The following CSF2 variants were observed in gnomAD, a reference collection of about 807,000 sequenced individuals.
The protein encoded by CSF2 is colony stimulating factor 2, also known as granulocyte-macrophage colony-stimulating factor.
In CSF2, 2 loss-of-function variants were observed where a neutral mutation model predicts 13.5. The ratio of observed to expected loss-of-function variants is 0.15; its 90% CI spans 0.06 to 0.47. The LOEUF (loss-of-function observed/expected upper bound fraction) is 0.47, where lower values mean the gene tolerates loss of function less well. CSF2 is among the 20% of genes least tolerant of loss of function. CSF2 has a pLI of 0.97. For missense variants in CSF2, 141 were observed against 179.7 expected (o/e 0.78, Z 1.23); for synonymous variants, 66 against 69.2 (o/e 0.95, Z 0.23).
intron 3 of CSF2, 54 bp from the exon 4 acceptor site, chr5:132,075,691 C>T: frequency 7.4e-7 from 1 of 1,346,036 alleles, no homozygotes; most frequent in East Asian, 2.3e-5. Context: ...CTTCCTTCCC[C>T]CACGTTACCC....
Position 132,075,916 on chromosome 5 carries a change from T to A in CSF2, c.*64T>A. 1 of 1,318,388 alleles carries A rather than the reference T, an allele frequency of 7.6e-7. No individual in the cohort carries two copies. Among genetic ancestry groups the A allele is most frequent in the Non-Finnish European group, 1.1e-6 (1 of 923,910 alleles). The allele number at this position is 1,318,388 out of a possible 1,614,324, so 81.7% of individuals were successfully genotyped here. A position where few individuals can be genotyped will look rare whatever the true frequency, so the allele number is the denominator to read the frequency against. On this transcript the variant is annotated 3_prime_UTR_variant, in exon 4 of 4. Coordinates refer to ENST00000296871, the MANE Select transcript of CSF2 (RefSeq NM_000758.4). The stretch of plus-strand genomic sequence containing the variant: ...CTCTCATGAAACAAGAGCTAGAAAC[T>A]CAGGATGGTCATCTTGGAGGGACCA...
rs371799279 is a variant in CSF2, at chr5:132,075,739, T to A, written c.328-6T>A. Reference sequence around the variant, plus strand: ...TCAAGTGTTTTTTATTTTTCTTTTTTTAAAGGAAACTTCCTGTGCAACCCA... The same window carrying A: ...TCAAGTGTTTTTTATTTTTCTTTTTATAAAGGAAACTTCCTGTGCAACCCA... On this transcript the variant is annotated splice_polypyrimidine_tract_variant and splice_region_variant and intron_variant, in intron 3 of 3. Coordinates refer to ENST00000296871, the MANE Select transcript of CSF2 (RefSeq NM_000758.4). The A allele has an allele frequency of 1.9e-6, 3 of 1,602,062 alleles. No homozygotes were observed. The African/African-American group carries it at 4.0e-5, about 21-fold the overall frequency.
In CSF2 at chr5:132,073,944, C is replaced by T. The variant is rs761215509; in HGVS notation, c.121C>T (p.Arg41Cys). Residue 41 changes from arginine (R) to cysteine (C), a missense_variant, in exon 1 of 4, where the codon CGT becomes TGT. Arg to Cys is a radical substitution (Grantham distance 180, BLOSUM62 -3). Coordinates refer to ENST00000296871, the MANE Select transcript of CSF2 (RefSeq NM_000758.4). ...TGTGAATGCCATCCAGGAGGCCCGG[C>T]GTCTCCTGAACCTGAGTAGAGACAC... Reference protein sequence around the residue: ...EHVNAIQEARRLLNLSRDTAA... With the variant: ...EHVNAIQEARCLLNLSRDTAA... 3.1e-6 allele frequency: 5 copies of T among 1,613,314 alleles called. No homozygotes were observed. Among genetic ancestry groups the T allele is most frequent in the Non-Finnish European group, 3.4e-6 (4 of 1,180,040 alleles).
rs750583291 is a variant in CSF2 at position 132,073,871 on chromosome 5, C to T, written c.48C>T (p.Ile16=). Residue 16 remains isoleucine (I), a synonymous_variant, in exon 1 of 4, where the codon ATC becomes ATT. Coordinates refer to ENST00000296871, the MANE Select transcript of CSF2 (RefSeq NM_000758.4). ...TCTTGGGCACTGTGGCCTGCAGCAT[C>T]TCTGCACCCGCCCGCTCGCCCAGCC... is the stretch of plus-strand genomic sequence containing the variant. ...LLLLGTVACS[I]SAPARSPSPS... is the part of the protein sequence containing the mutation. The T allele has an allele frequency of 4.2e-5, 67 of 1,613,026 alleles. 2 individuals are homozygous for T. The South Asian group carries it at 7.2e-4, about 17-fold the overall frequency.
At chr5:132,074,312 C>G (rs951808186) in intron 2 of CSF2, among the ~76,000 whole-genome samples, 190 bp downstream of exon 2, 2 of 152,182 alleles carry the variant, frequency 1.3e-5, no homozygotes, top group African/African-American at 4.8e-5. Context: ...ACATGAGCTC[C>G]TTTATCAGCT....
Position 132,074,906 on chromosome 5 carries a change from C to T in CSF2, c.298C>T (p.His100Tyr), listed in dbSNP as rs998722210. ...GGGCCCCTTGACCATGATGGCCAGC[C>T]ACTACAAGCAGCACTGCCCTCCAAC... is the stretch of plus-strand genomic sequence containing the variant. ...LKGPLTMMAS[H>Y]YKQHCPPTPE... The change falls in exon 3 of 4, where the codon CAC (histidine) becomes TAC (tyrosine). Residue 100 changes from histidine to tyrosine, a missense_variant. By Grantham distance (83) the His-to-Tyr change is moderately conservative. Coordinates refer to ENST00000296871, the MANE Select transcript of CSF2 (RefSeq NM_000758.4). 2 of 1,613,524 alleles carry T rather than the reference C, an allele frequency of 1.2e-6. No homozygotes were observed. Among genetic ancestry groups the T allele is most frequent in the African/African-American group, 2.7e-5 (2 of 74,942 alleles).
chr5:132,075,681 C>G, intron 3 of CSF2, 64 bp from the exon 4 acceptor site: 34,415 of 970,986 alleles, frequency 0.035, no homozygotes, highest in Non-Finnish European at 0.051. Flanking sequence ...CATGCTGGTG[C>G]TTCCTTCCCC....
rs775184590 is a variant in CSF2 at position 132,075,856 on chromosome 5, C to T, written c.*4C>T. On this transcript the variant is annotated 3_prime_UTR_variant, in exon 4 of 4. Transcript: ENST00000296871. ...CTGGGAGCCAGTCCAGGAGTGAGAC[C>T]GGCCAGATGAGGCTGGCCAAGCCGG... 25 of 1,600,652 alleles carry T rather than the reference C, an allele frequency of 1.6e-5. No individual in the cohort carries two copies. Among genetic ancestry groups the T allele is most frequent in the Middle Eastern group, 1.7e-4 (1 of 6,052 alleles).
Position 132,075,530 on chromosome 5 carries a change from C to A in CSF2, c.328-215C>A, listed in dbSNP as rs547138511. On this transcript the variant is annotated intron_variant, in intron 3 of 3. Transcript: ENST00000296871. ...ACCTCAGGCTGGCACTTAAGTCAGG[C>A]CCTTGACTCTGGCTGCCACTGGCAG... Among the ~76,000 whole-genome samples, 18 of 152,296 alleles carry A rather than the reference C, an allele frequency of 1.2e-4. No homozygotes were observed. In the South Asian group the frequency reaches 1.2e-3, roughly 11 times the overall value.
intron 2 of CSF2, 59 bp from the exon 3 acceptor site, chr5:132,074,751 G>A (rs1756679269): frequency 3.1e-6 from 5 of 1,613,420 alleles, no homozygotes; most frequent in Non-Finnish European, 4.2e-6. Flanking sequence ...GTGGTGGAGA[G>A]TTCTTGTACC....
rs1462720985 is a variant in CSF2, at chr5:132,075,842, T to C, written c.425T>C (p.Val142Ala). Residue 142 changes from valine to alanine, a missense_variant, in exon 4 of 4, where the codon GTC becomes GCC. Coordinates refer to ENST00000296871, the MANE Select transcript of CSF2 (RefSeq NM_000758.4). ...ATCCCCTTTGACTGCTGGGAGCCAG[T>C]CCAGGAGTGAGACCGGCCAGATGAG... ...LVIPFDCWEP[V>A]QE 3.1e-6 allele frequency: 5 copies of C among 1,609,238 alleles called. No homozygotes were observed. Among genetic ancestry groups the C allele is most frequent in the Non-Finnish European group, 2.5e-6 (3 of 1,179,060 alleles).
At position 132,074,934 on chromosome 5, in the gene CSF2, C is replaced by A; in HGVS notation, c.326C>A (p.Pro109Gln). The A allele has an allele frequency of 6.2e-7, 1 of 1,613,468 alleles. No individual in the cohort carries two copies. Among genetic ancestry groups the A allele is most frequent in the Non-Finnish European group, 8.5e-7 (1 of 1,180,022 alleles). Reference sequence around the variant, plus strand: ...TACAAGCAGCACTGCCCTCCAACCCCGGTGAGTGCCTACGGCAGGGCCTCC... The same window carrying A: ...TACAAGCAGCACTGCCCTCCAACCCAGGTGAGTGCCTACGGCAGGGCCTCC... Reference protein sequence around the residue: ...SHYKQHCPPTPETSCATQIIT... With the variant: ...SHYKQHCPPTQETSCATQIIT... Residue 109 changes from proline to glutamine, a missense_variant and splice_region_variant, in exon 3 of 4, where the codon CCG becomes CAG. By Grantham distance (76) the Pro-to-Gln change is moderately conservative (BLOSUM62 -1). Transcript: ENST00000296871.
intron 2 of CSF2, among the ~76,000 whole-genome samples, chr5:132,074,535 A>AC (rs1236199916): frequency 3.3e-5 from 5 of 151,586 alleles, no homozygotes; most frequent in Non-Finnish European, 7.4e-5. Context: ...GTGAGGCCCC[A>AC]CCCCCCTCTC....
In CSF2 at chr5:132,073,868, C is replaced by A; in HGVS notation, c.45C>A (p.Ser15Arg). 6.2e-7 allele frequency: 1 copy of A among 1,613,002 alleles called. No individual in the cohort carries two copies. Among genetic ancestry groups the A allele is most frequent in the Admixed American group, 1.7e-5 (1 of 60,032 alleles). ...SLLLLGTVAC[S>R]ISAPARSPSP... ...TGCTCTTGGGCACTGTGGCCTGCAGCATCTCTGCACCCGCCCGCTCGCCCA... is the reference window on the plus strand; with the variant it reads ...TGCTCTTGGGCACTGTGGCCTGCAGAATCTCTGCACCCGCCCGCTCGCCCA... Residue 15 changes from serine to arginine, a missense_variant, in exon 1 of 4, where the codon AGC (serine) becomes AGA (arginine). By Grantham distance (110) the Ser-to-Arg change is moderately radical. Transcript: ENST00000296871.
At position 132,075,994 on chromosome 5, in the gene CSF2, C is replaced by T; in HGVS notation, c.*142C>T. Reference sequence around the variant, plus strand: ...TGGCCTGGACCTGCCCTGGGCCACACTGACCCTGATACAGGCATGGCAGAA... The same window carrying T: ...TGGCCTGGACCTGCCCTGGGCCACATTGACCCTGATACAGGCATGGCAGAA... On this transcript the variant is annotated 3_prime_UTR_variant, in exon 4 of 4. Transcript: ENST00000296871. 2.8e-6 allele frequency: 2 copies of T among 706,034 alleles called. No individual in the cohort carries two copies. The highest frequency in any genetic ancestry group is 2.6e-5 in the East Asian group (1 of 38,600). 43.7% of individuals were successfully genotyped at this position (706,034 alleles called of 1,614,324 possible). A position where few individuals can be genotyped will look rare whatever the true frequency, so the allele number is the denominator to read the frequency against.
rs1399489479 is a variant in CSF2 at position 132,076,065 on chromosome 5, T to C, written c.*213T>C. The C allele has an allele frequency of 9.8e-6, 2 of 203,376 alleles. No homozygotes were observed. Among genetic ancestry groups the C allele is most frequent in the African/African-American group, 4.7e-5 (2 of 42,658 alleles). The allele number at this position is 203,376 out of a possible 1,614,324, so 12.6% of individuals were successfully genotyped here. ...GACAGAAATCAGTAATATTTATATA[T>C]TTATATTTTTAAAATATTTATTTAT... is the stretch of plus-strand genomic sequence containing the variant. On this transcript the variant is annotated 3_prime_UTR_variant, in exon 4 of 4. Transcript: ENST00000296871.
rs750353396 is a variant in CSF2 at position 132,074,796 on chromosome 5, G to A, written c.202-14G>A. 7.4e-6 allele frequency: 12 copies of A among 1,613,700 alleles called. No individual in the cohort carries two copies. Among genetic ancestry groups the A allele is most frequent in the Admixed American group, 1.7e-5 (1 of 59,998 alleles). On this transcript the variant is annotated splice_polypyrimidine_tract_variant and intron_variant, in intron 2 of 3. Coordinates refer to ENST00000296871, the MANE Select transcript of CSF2 (RefSeq NM_000758.4). ...ACTTGGCCACTGCTCACCGACGAAC[G>A]ACATTTTCCACAGGAGCCGACCTGC...
At chr5:132,075,010 T>C (rs1054363142) in intron 3 of CSF2, 75 bp downstream of exon 3, 114 of 1,606,104 alleles carry the variant, frequency 7.1e-5, no homozygotes, top group Non-Finnish European at 9.4e-5. Flanking sequence ...GAGAGATCTA[T>C]GGCTGTGGCT....
chr5:132,075,642 C>A (rs965489034), intron 3 of CSF2, 103 bp from the exon 4 acceptor site: 3 of 923,478 alleles, frequency 3.2e-6, no homozygotes, highest in Non-Finnish European at 5.2e-6. Context: ...GGCCTCCTGG[C>A]CTCTGAGTTC....
Sources: gnomAD v4.1 joint callset for allele counts (sites outside exome capture counted in the v4.1 genomes callset) on GRCh38, gnomAD v4.1.1 for gene constraint, MANE v1.5 for transcripts, NCBI Gene and HGNC (gene_info 2026-07-23, HGNC 2026-07-21) for gene names.